TNR: variants seen among roughly 807,000 people sequenced by gnomAD.
TNR encodes tenascin-R.
A neutral mutation model predicts 150.4 loss-of-function variants in TNR; 45 were observed. The observed-to-expected ratio is 0.30, with a 90% CI of 0.24 to 0.38. TNR has a LOEUF of 0.38. Among genes scored for constraint, TNR ranks in the 10% least tolerant of loss-of-function variants. The pLI is 1.00. For synonymous variants in TNR, 687 were observed against 678.4 expected (o/e 1.01, Z -0.20); for missense variants, 1,544 against 1,759.1 (o/e 0.88, Z 2.19).
chr1:175,660,397 T>C (rs79509841), intron 1 of TNR, among the ~76,000 whole-genome samples: 2,046 of 152,292 alleles, frequency 0.013, 40 homozygotes, highest in African/African-American at 0.047. Flanking sequence ...TGCGAGAAGG[T>C]CACTGATCCA....
intron 1 of TNR, among the ~76,000 whole-genome samples, chr1:175,681,237 C>A (rs1010418069): frequency 1.3e-5 from 2 of 152,172 alleles, no homozygotes; most frequent in Non-Finnish European, 2.9e-5. Flanking sequence ...CAGCTCCCAA[C>A]AACGCATCAG....
intron 2 of TNR, among the ~76,000 whole-genome samples, chr1:175,441,696 T>C (rs1000337629): frequency 5.3e-5 from 8 of 152,136 alleles, no homozygotes; most frequent in African/African-American, 1.9e-4. Flanking sequence ...TAGAAATCAC[T>C]ACAATTCATC....
At position 175,324,407 on chromosome 1, in the gene TNR, G is replaced by A; in HGVS notation, c.3906C>T (p.Asn1302=). ...TCCCATTGAGGTTGGTCCGGTGGCAGTTCTTATACCACCATGCTCCCTTGT... is the reference window on the plus strand; with the variant it reads ...TCCCATTGAGGTTGGTCCGGTGGCAATTCTTATACCACCATGCTCCCTTGT... ...MSYKGAWWYK[N]CHRTNLNGKY... is the part of the protein sequence containing the mutation. The change falls in exon 22 of 23, where the codon AAC becomes AAT. Residue 1302 remains asparagine (N), a synonymous_variant. Coordinates refer to ENST00000367674, the MANE Select transcript of TNR (RefSeq NM_003285.3). The A allele has an allele frequency of 6.2e-7, 1 of 1,614,132 alleles. No individual in the cohort carries two copies. Among genetic ancestry groups the A allele is most frequent in the Non-Finnish European group, 8.5e-7 (1 of 1,180,018 alleles).
intron 18 of TNR, 26 bp downstream of exon 18, chr1:175,354,365 G>A: frequency 6.2e-7 from 1 of 1,611,152 alleles, no homozygotes; most frequent in Non-Finnish European, 8.5e-7. Flanking sequence ...GGAGAAGAAG[G>A]CATCAAAGTG....
At chr1:175,670,712 A>G (rs915306048) in intron 1 of TNR, among the ~76,000 whole-genome samples, 2 of 152,172 alleles carry the variant, frequency 1.3e-5, no homozygotes, top group Non-Finnish European at 2.9e-5. Flanking sequence ...TAAAGTTAGG[A>G]AAGAGCATGA....
At chr1:175,362,611 C>A (rs1434137504) in intron 14 of TNR, 52 bp downstream of exon 14, 17 of 1,593,300 alleles carry the variant, frequency 1.1e-5, no homozygotes, top group Non-Finnish European at 1.5e-5. Context: ...AACAACTTCA[C>A]CCAGATCTTC....
At chr1:175,517,450 G>C (rs1201605910) in intron 2 of TNR, among the ~76,000 whole-genome samples, 1 of 152,054 alleles carries the variant, frequency 6.6e-6, no homozygotes, top group Non-Finnish European at 1.5e-5. Flanking sequence ...AGTTTGGTTT[G>C]TCCTACTCCC....
intron 18 of TNR, among the ~76,000 whole-genome samples, chr1:175,347,759 T>A (rs943019713): frequency 1.3e-5 from 2 of 152,100 alleles, no homozygotes; most frequent in Non-Finnish European, 2.9e-5. Context: ...ACATTTTAAT[T>A]TTTATCTAAA....
At chr1:175,740,316 G>C (rs1331208148) in intron 1 of TNR, among the ~76,000 whole-genome samples, 1 of 152,198 alleles carries the variant, frequency 6.6e-6, no homozygotes, top group Non-Finnish European at 1.5e-5. Context: ...TTGGAAAGAA[G>C]CACAGGGAAC....
At chr1:175,701,154 C>A (rs1295604761) in intron 1 of TNR, among the ~76,000 whole-genome samples, 1 of 152,238 alleles carries the variant, frequency 6.6e-6, no homozygotes, top group Non-Finnish European at 1.5e-5. Context: ...CCCTCCTCAA[C>A]ACAATCTATT....
intron 1 of TNR, among the ~76,000 whole-genome samples, chr1:175,551,956 A>G (rs1004708392): frequency 2.0e-5 from 3 of 152,202 alleles, no homozygotes; most frequent in African/African-American, 7.2e-5. Flanking sequence ...AAATCAACAT[A>G]TGATTTCTAC....
intron 19 of TNR, 119 bp downstream of exon 19, chr1:175,337,409 T>A (rs1451802466): frequency 9.2e-6 from 11 of 1,192,236 alleles, no homozygotes; most frequent in South Asian, 6.9e-5. Flanking sequence ...AAGATGGACA[T>A]GTGGGGGGTG....
At chr1:175,413,508 A>C (rs1654304640) in intron 2 of TNR, among the ~76,000 whole-genome samples, 1 of 152,138 alleles carries the variant, frequency 6.6e-6, no homozygotes, top group Non-Finnish European at 1.5e-5. Context: ...TAATGTTTAA[A>C]CCACATGCAA....
intron 2 of TNR, among the ~76,000 whole-genome samples, chr1:175,489,820 C>T (rs1283311827): frequency 6.6e-6 from 1 of 152,112 alleles, no homozygotes; most frequent in Non-Finnish European, 1.5e-5. Context: ...TACACACATA[C>T]TTTTTTCCAA....
intron 7 of TNR, 85 bp downstream of exon 7, chr1:175,391,203 G>A (rs772831861): frequency 5.3e-5 from 81 of 1,524,614 alleles, no homozygotes; most frequent in Non-Finnish European, 7.2e-5. Context: ...CACCTCTGTT[G>A]TCTCTCCACT....
At chr1:175,405,023 G>A (rs1641546026) in intron 3 of TNR, among the ~76,000 whole-genome samples, 1 of 152,168 alleles carries the variant, frequency 6.6e-6, no homozygotes, top group Admixed American at 6.5e-5. Context: ...GGCCATCCAG[G>A]CTCTGTTAAA....
intron 1 of TNR, among the ~76,000 whole-genome samples, chr1:175,725,203 C>T (rs1383621894): frequency 6.6e-6 from 1 of 152,124 alleles, no homozygotes; most frequent in East Asian, 1.9e-4. Context: ...GAGGAGGTGC[C>T]ATCTATACAG....
chr1:175,441,639 G>T (rs145786721), intron 2 of TNR, among the ~76,000 whole-genome samples: 103 of 152,264 alleles, frequency 6.8e-4, no homozygotes, highest in African/African-American at 2.4e-3. Context: ...AGCTGTGTGT[G>T]TGTGTGTTGT....
rs758987869 is a variant in TNR at position 175,365,030 on chromosome 1, A to G, written c.2567T>C (p.Ile856Thr). The G allele has an allele frequency of 3.1e-5, 50 of 1,608,940 alleles. 1 individual carries two copies. The highest frequency in any genetic ancestry group is 3.3e-4 in the Middle Eastern group (2 of 6,062). Reference protein sequence around the residue: ...AVHGTVTSEPIVGSITTGIDP... With the variant: ...AVHGTVTSEPTVGSITTGIDP... ...CTCACCTGTGGTGATGGAGCCCACA[A>G]TGGGCTCAGAGGTCACTGTGCCATG... The change falls in exon 12 of 23, where the codon ATT (isoleucine) becomes ACT (threonine). Residue 856 changes from isoleucine (I) to threonine (T), a missense_variant. Around this residue, in one of 2 missense-constraint regions of TNR, gnomAD observed 1,254 missense variants for 1,329.4 expected, o/e 0.94. Coordinates refer to ENST00000367674, the MANE Select transcript of TNR (RefSeq NM_003285.3).
Sources: gnomAD v4.1 joint callset for allele counts (sites outside exome capture counted in the v4.1 genomes callset) on GRCh38, gnomAD v4.1.1 for gene constraint, gnomAD v4.1.1 regional missense constraint, MANE v1.5 for transcripts, NCBI Gene and HGNC (gene_info 2026-07-23, HGNC 2026-07-21) for gene names.